Variants in LINGO2 observed in about 807,000 individuals in gnomAD.
LINGO2 encodes the protein leucine rich repeat and Ig domain containing 2.
Under a neutral mutation model 30.6 loss-of-function variants are expected in LINGO2, and 14 were observed. The observed-to-expected ratio is 0.46, with a 90% CI of 0.30 to 0.72. The LOEUF is 0.72. LINGO2 is among the 30% of genes least tolerant of loss of function. The pLI is 0.07. For synonymous variants in LINGO2, 317 were observed against 288.5 expected (o/e 1.10, Z -1.00); for missense variants, 729 against 751.7 (o/e 0.97, Z 0.35).
chr9:28,750,080 A>G, the LINGO2 span, among the ~76,000 whole-genome samples: 3 of 152,046 alleles, frequency 2.0e-5, no homozygotes, highest in African/African-American at 7.3e-5. Context: ...ATTTAGCCCA[A>G]TTCTCTTTTT....
At chr9:28,659,415 A>G (rs116002646) in intron 1 of LINGO2, among the ~76,000 whole-genome samples, 3,519 of 152,152 alleles carry the variant, frequency 0.023, 147 homozygotes, top group African/African-American at 0.079. Flanking sequence ...AAAGACAGCA[A>G]TAGCTTGACA....
At chr9:29,070,798 T>C in the LINGO2 span, among the ~76,000 whole-genome samples, 4 of 151,500 alleles carry the variant, frequency 2.6e-5, no homozygotes. Flanking sequence ...TCCTATGACA[T>C]GTTTTAAAAT....
the LINGO2 span, among the ~76,000 whole-genome samples, chr9:28,939,929 A>G: frequency 6.6e-6 from 1 of 152,166 alleles, no homozygotes; most frequent in Admixed American, 6.6e-5. Flanking sequence ...AGTTCTCTTT[A>G]TTACTGGGGC....
At chr9:28,421,026 C>A (rs1276254143) in intron 2 of LINGO2, among the ~76,000 whole-genome samples, 1 of 151,982 alleles carries the variant, frequency 6.6e-6, no homozygotes, top group South Asian at 2.1e-4. Flanking sequence ...TAATAATAAG[C>A]CATTTAATAT....
chr9:28,176,454 C>T (rs1828754149), intron 4 of LINGO2, among the ~76,000 whole-genome samples: 1 of 152,154 alleles, frequency 6.6e-6, no homozygotes, highest in Non-Finnish European at 1.5e-5. Flanking sequence ...CACATATTTT[C>T]TCCATTAGAT....
chr9:28,248,069 C>G (rs62555375), intron 4 of LINGO2, among the ~76,000 whole-genome samples: 20,560 of 152,076 alleles, frequency 0.14, 1,627 homozygotes, highest in African/African-American at 0.22. Context: ...AAACTGAAAA[C>G]AGAGCTACAA....
At chr9:29,153,281 C>G in the LINGO2 span, among the ~76,000 whole-genome samples, 1 of 151,960 alleles carries the variant, frequency 6.6e-6, no homozygotes, top group Non-Finnish European at 1.5e-5. Flanking sequence ...AAGTTGTTTG[C>G]TCATTTAGCT....
At chr9:28,051,200 C>A (rs1055525169) in intron 4 of LINGO2, among the ~76,000 whole-genome samples, 1 of 141,060 alleles carries the variant, frequency 7.1e-6, no homozygotes, top group African/African-American at 2.7e-5. Flanking sequence ...GTCATGACTA[C>A]AACACCATCA....
rs1360893610 is a variant in LINGO2, at chr9:28,148,423, C to T, written c.-86-136018G>A. ...ATGAGCAGGTGATCCCAGCCAGGCT[C>T]CCGAAGATGGAGGTGAGGGCAGAAG... On this transcript the variant is annotated intron_variant, in intron 4 of 5. Transcript: ENST00000379992. This position sits in a 1 kb window ranked among gnomAD's most constrained non-coding sequence, Gnocchi z 5.1. The T allele has an allele frequency of 1.5e-6, 2 of 1,321,402 alleles. No homozygotes were observed. Among genetic ancestry groups the T allele is most frequent in the African/African-American group, 2.9e-5 (2 of 68,758 alleles). The allele number at this position is 1,321,402 out of a possible 1,614,324, so 81.9% of individuals were successfully genotyped here. A position where few individuals can be genotyped will look rare whatever the true frequency, so the allele number is the denominator to read the frequency against.
At chr9:29,129,322 T>C in the LINGO2 span, among the ~76,000 whole-genome samples, 12 of 152,148 alleles carry the variant, frequency 7.9e-5, no homozygotes, top group African/African-American at 2.9e-4. Flanking sequence ...GTAATCTAGA[T>C]AAACTGTTAA....
intron 4 of LINGO2, among the ~76,000 whole-genome samples, chr9:28,193,814 C>G (rs577507671): frequency 6.6e-6 from 1 of 152,260 alleles, no homozygotes; most frequent in African/African-American, 2.4e-5. Flanking sequence ...TGGAAACAAT[C>G]AGAGACTGGA....
chr9:28,011,694 T>A (rs1315197708), intron 5 of LINGO2, among the ~76,000 whole-genome samples: 1 of 152,238 alleles, frequency 6.6e-6, no homozygotes, highest in East Asian at 1.9e-4. Context: ...TAGGGATTGC[T>A]GAGCTCTGTG....
intron 2 of LINGO2, among the ~76,000 whole-genome samples, chr9:28,381,804 G>A (rs986787518): frequency 3.9e-5 from 6 of 152,012 alleles, no homozygotes; most frequent in African/African-American, 9.7e-5. Context: ...CTTCTAACCC[G>A]ACACTACAAT....
chr9:28,069,186 G>A (rs1399491481), intron 4 of LINGO2, among the ~76,000 whole-genome samples: 1 of 152,136 alleles, frequency 6.6e-6, no homozygotes, highest in Non-Finnish European at 1.5e-5. Context: ...CAGGTGAAAT[G>A]AGGATGTAAG....
the LINGO2 span, among the ~76,000 whole-genome samples, chr9:29,023,148 C>T: frequency 1.3e-5 from 2 of 151,984 alleles, no homozygotes; most frequent in African/African-American, 4.8e-5. Flanking sequence ...TGGACACAAC[C>T]GCATGGCCAA....
At chr9:28,021,187 A>G (rs893594101) in intron 4 of LINGO2, among the ~76,000 whole-genome samples, 1 of 151,290 alleles carries the variant, frequency 6.6e-6, no homozygotes, top group Non-Finnish European at 1.5e-5. Flanking sequence ...CTAAGGACTG[A>G]TTTTTCTGTA....
chr9:28,926,525 T>C, the LINGO2 span, among the ~76,000 whole-genome samples: 1 of 152,144 alleles, frequency 6.6e-6, no homozygotes, highest in African/African-American at 2.4e-5. Context: ...TGAGGAAGCC[T>C]GGTTTGCAAA....
intron 5 of LINGO2, among the ~76,000 whole-genome samples, chr9:27,968,606 T>TA (rs1283067718): frequency 1.3e-5 from 2 of 151,942 alleles, no homozygotes; most frequent in Non-Finnish European, 2.9e-5. Flanking sequence ...ATTTTTTATT[T>TA]AAAAAATGTT....
At chr9:29,134,662 G>A in the LINGO2 span, among the ~76,000 whole-genome samples, 1 of 151,994 alleles carries the variant, frequency 6.6e-6, no homozygotes, top group Non-Finnish European at 1.5e-5. Context: ...AGTTACATCT[G>A]ATGTTTGTAT....
Sources: allele counts gnomAD v4.1 joint callset (sites outside exome capture counted in the v4.1 genomes callset), GRCh38; gene constraint gnomAD v4.1.1; non-coding constraint Gnocchi (gnomAD v3.1); transcripts MANE v1.5; gene names NCBI Gene and HGNC (gene_info 2026-07-23, HGNC 2026-07-21).